IRF2: variants seen among roughly 807,000 people sequenced by gnomAD.
IRF2 encodes the protein interferon regulatory factor 2.
A neutral mutation model predicts 40.6 loss-of-function variants in IRF2; 15 were observed. The ratio of observed to expected loss-of-function variants is 0.37; its 90% CI spans 0.25 to 0.57. The LOEUF is 0.57. IRF2 is among the 20% of genes least tolerant of loss of function. The pLI is 0.77. For missense variants in IRF2, 317 were observed against 455.7 expected (o/e 0.70, Z 2.77); for synonymous variants, 151 against 165.5 (o/e 0.91, Z 0.67).
chr4:184,403,640 C>G (rs1407988133), intron 6 of IRF2, among the ~76,000 whole-genome samples: 1 of 152,106 alleles, frequency 6.6e-6, no homozygotes, highest in Admixed American at 6.6e-5. Flanking sequence ...TTAGCCTTAC[C>G]CAACTCCAAA....
intron 5 of IRF2, among the ~76,000 whole-genome samples, chr4:184,415,240 G>A (rs1292524177): frequency 6.6e-6 from 1 of 152,234 alleles, no homozygotes; most frequent in Non-Finnish European, 1.5e-5. Context: ...GCCTTCCGCT[G>A]AAGGAATCAG....
chr4:184,418,439 C>CTTGA (rs1737358561), intron 4 of IRF2, 93 bp downstream of exon 4: 1 of 1,241,688 alleles, frequency 8.1e-7, no homozygotes, highest in Non-Finnish European at 1.2e-6. Flanking sequence ...GCTATTCTAC[C>CTTGA]TGCAAACTGA....
chr4:184,397,454 G>A (rs1363915396), intron 7 of IRF2, among the ~76,000 whole-genome samples: 2 of 152,024 alleles, frequency 1.3e-5, no homozygotes, highest in Non-Finnish European at 2.9e-5. Flanking sequence ...TGCACTGAAT[G>A]CTACTAAACT....
At chr4:184,414,463 C>A (rs1456594781) in intron 5 of IRF2, among the ~76,000 whole-genome samples, 3 of 152,240 alleles carry the variant, frequency 2.0e-5, no homozygotes, top group Admixed American at 2.0e-4. Context: ...TACACCTCAG[C>A]CTCCTGAGTA....
intron 7 of IRF2, among the ~76,000 whole-genome samples, chr4:184,393,509 G>A (rs1167924289): frequency 3.9e-5 from 6 of 152,372 alleles, no homozygotes; most frequent in Admixed American, 3.9e-4. Flanking sequence ...GGGGCTGGAA[G>A]TCAGATCCTG....
intron 6 of IRF2, among the ~76,000 whole-genome samples, chr4:184,400,601 T>G (rs1398552798): frequency 6.6e-6 from 1 of 152,244 alleles, no homozygotes; most frequent in Non-Finnish European, 1.5e-5. Flanking sequence ...CTGAGTCATA[T>G]GGTAATTTCA....
chr4:184,397,073 G>T (rs890978266), intron 7 of IRF2, among the ~76,000 whole-genome samples: 7 of 152,230 alleles, frequency 4.6e-5, no homozygotes, highest in African/African-American at 1.7e-4. Flanking sequence ...ACAGGGACTG[G>T]CACGTGTAAG....
intron 7 of IRF2, among the ~76,000 whole-genome samples, chr4:184,395,217 C>G (rs540870374): frequency 8.4e-4 from 127 of 152,076 alleles, no homozygotes; most frequent in African/African-American, 2.9e-3. Context: ...CGAGACCATC[C>G]TGGCTAACAC....
At chr4:184,439,698 G>A (rs537410218) in intron 1 of IRF2, among the ~76,000 whole-genome samples, 2 of 152,238 alleles carry the variant, frequency 1.3e-5, no homozygotes, top group East Asian at 3.9e-4. Flanking sequence ...TTTCCTATTA[G>A]GCACGTTTTC....
At chr4:184,404,862 G>A (rs1157661528) in intron 6 of IRF2, among the ~76,000 whole-genome samples, 1 of 152,142 alleles carries the variant, frequency 6.6e-6, no homozygotes. Context: ...GGCAAGAGTG[G>A]GACAGGGCAG....
At chr4:184,425,507 T>C (rs982663667) in intron 2 of IRF2, among the ~76,000 whole-genome samples, 1 of 152,252 alleles carries the variant, frequency 6.6e-6, no homozygotes, top group Admixed American at 6.5e-5. Flanking sequence ...AGTGCAGGCC[T>C]CGGCCTCTGT....
intron 1 of IRF2, among the ~76,000 whole-genome samples, chr4:184,457,749 C>T (rs1285872956): frequency 6.6e-6 from 1 of 152,174 alleles, no homozygotes; most frequent in Admixed American, 6.5e-5. Flanking sequence ...CTCTCCAACG[C>T]TGCAGGTGCA....
chr4:184,403,352 G>A (rs1736736654), intron 6 of IRF2, among the ~76,000 whole-genome samples: 1 of 152,132 alleles, frequency 6.6e-6, no homozygotes, highest in South Asian at 2.1e-4. Context: ...ACTCCTGACA[G>A]GTGAAAAGAC....
chr4:184,463,648 A>G (rs528597191), intron 1 of IRF2, among the ~76,000 whole-genome samples: 23 of 151,704 alleles, frequency 1.5e-4, no homozygotes, highest in African/African-American at 5.6e-4. Context: ...AATATCGTGC[A>G]TATATATATA....
Position 184,436,360 on chromosome 4 carries a change from G to T in IRF2, c.-6-7290C>A, listed in dbSNP as rs542911510. On this transcript the variant is annotated intron_variant, in intron 1 of 8. Coordinates refer to ENST00000393593, the MANE Select transcript of IRF2 (RefSeq NM_002199.4). ...ACATTGTTACAAGGAACTGTGCTGA[G>T]TGCTGTGGGGGATTCAAAGACGGTA... is the stretch of plus-strand genomic sequence containing the variant. 5.3e-5 allele frequency among the ~76,000 whole-genome samples: 8 copies of T among 152,332 alleles called. No homozygotes were observed. The South Asian group carries it at 1.7e-3, about 32-fold the overall frequency.
At chr4:184,400,757 C>T (rs1422987684) in intron 6 of IRF2, among the ~76,000 whole-genome samples, 1 of 152,156 alleles carries the variant, frequency 6.6e-6, no homozygotes, top group African/African-American at 2.4e-5. Context: ...TTTGGCCATT[C>T]TCATAGGTAA....
chr4:184,417,743 G>C (rs1737333629), intron 5 of IRF2, among the ~76,000 whole-genome samples: 1 of 152,184 alleles, frequency 6.6e-6, no homozygotes, highest in Admixed American at 6.5e-5. Flanking sequence ...GTGACGGAAT[G>C]TCTGTAACAT....
rs1047970298 is a variant in IRF2, at chr4:184,448,011, G to A, written c.-6-18941C>T. Among the ~76,000 whole-genome samples the A allele has an allele frequency of 3.3e-5, 5 of 152,158 alleles. No individual in the cohort carries two copies. The highest frequency in any genetic ancestry group is 1.3e-4 in the Admixed American group (2 of 15,274). ...CAGGGTCTCAATGGAGACTATCTTC[G>A]TTACAGCAAAGACACATTCAAGTAC... On this transcript the variant is annotated intron_variant, in intron 1 of 8. Coordinates refer to ENST00000393593, the MANE Select transcript of IRF2 (RefSeq NM_002199.4). The surrounding 1 kb of genome is among the most constrained non-coding windows in gnomAD (Gnocchi z 4.3).
intron 2 of IRF2, among the ~76,000 whole-genome samples, chr4:184,427,516 C>A (rs995658471): frequency 6.6e-6 from 1 of 152,026 alleles, no homozygotes; most frequent in African/African-American, 2.4e-5. Context: ...TATCCAGGAG[C>A]GCACCTGTGG....
Sources: gnomAD v4.1 joint callset for allele counts (sites outside exome capture counted in the v4.1 genomes callset) on GRCh38, gnomAD v4.1.1 for gene constraint, Gnocchi (gnomAD v3.1) non-coding constraint, MANE v1.5 for transcripts, NCBI Gene and HGNC (gene_info 2026-07-23, HGNC 2026-07-21) for gene names.